Variants in DOCK5 observed in about 807,000 individuals in gnomAD.
DOCK5 encodes the protein dedicator of cytokinesis 5, also known as dedicator of cytokinesis protein 5.
A neutral mutation model predicts 251.8 loss-of-function variants in DOCK5; 142 were observed. That is an observed-to-expected ratio of 0.56 (90% CI 0.49 to 0.65). The LOEUF (loss-of-function observed/expected upper bound fraction) is 0.65. Ranked by LOEUF, DOCK5 falls within the 30% of genes least tolerant of loss-of-function variation. DOCK5 has a pLI of 0.00. For missense variants in DOCK5, 2,111 were observed against 2,312.3 expected, an observed-to-expected ratio of 0.91 and a Z score of 1.79; for synonymous variants, 842 against 835.5, an observed-to-expected ratio of 1.01 and a Z score of -0.13.
chr8:25,185,660 A>G (rs887110586), intron 1 of DOCK5, among the ~76,000 whole-genome samples: 1 of 152,116 alleles, frequency 6.6e-6, no homozygotes, highest in Non-Finnish European at 1.5e-5. Context: ...CATCCTGGAG[A>G]CGAGAAGAGG....
At chr8:25,186,349 CTTTTTTTTTT>C (rs778162063) in intron 1 of DOCK5, among the ~76,000 whole-genome samples, 1 of 124,818 alleles carries the variant, frequency 8.0e-6, no homozygotes, top group African/African-American at 2.9e-5. Context: ...CCTCAGGGCT[CTTTTTTTTTT>C]TTTTTTTGGT....
At chr8:25,246,643 T>TA (rs569536266) in intron 2 of DOCK5, among the ~76,000 whole-genome samples, 5 of 151,370 alleles carry the variant, frequency 3.3e-5, no homozygotes, top group African/African-American at 4.9e-5. Flanking sequence ...GCTGAGCTGG[T>TA]CTTTTTAGGT....
intron 1 of DOCK5, among the ~76,000 whole-genome samples, chr8:25,216,134 G>A (rs958505984): frequency 2.7e-5 from 4 of 150,734 alleles, no homozygotes; most frequent in Non-Finnish European, 5.9e-5. Flanking sequence ...TATACAATAT[G>A]TCTATACGTG....
At chr8:25,337,330 C>T (rs1482437919) in intron 22 of DOCK5, among the ~76,000 whole-genome samples, 2 of 151,940 alleles carry the variant, frequency 1.3e-5, no homozygotes, top group Non-Finnish European at 2.9e-5. Flanking sequence ...AAAATTGGTC[C>T]TGTATTTCAG....
chr8:25,189,938 G>A (rs1488942345), intron 1 of DOCK5, among the ~76,000 whole-genome samples: 1 of 152,202 alleles, frequency 6.6e-6, no homozygotes, highest in Non-Finnish European at 1.5e-5. Context: ...CCAGGCTGGA[G>A]TGCAGTGGTG....
intron 26 of DOCK5, 46 bp downstream of exon 26, chr8:25,345,657 C>G (rs1800351210): frequency 1.2e-6 from 2 of 1,604,656 alleles, no homozygotes; most frequent in Admixed American, 1.7e-5. Flanking sequence ...ACACTGTCCC[C>G]TTTGCACCAG....
chr8:25,323,588 G>A (rs576430184), intron 16 of DOCK5, among the ~76,000 whole-genome samples: 94 of 152,244 alleles, frequency 6.2e-4, no homozygotes, highest in African/African-American at 2.2e-3. Flanking sequence ...TGGAGTTGGT[G>A]TCAACACCCA....
chr8:25,270,408 A>G (rs1039351966), intron 3 of DOCK5, among the ~76,000 whole-genome samples: 2 of 152,118 alleles, frequency 1.3e-5, no homozygotes, highest in African/African-American at 4.8e-5. Flanking sequence ...TTTTAGCCCT[A>G]TTGGTGTTAA....
At chr8:25,333,344 C>CTCAAAGTTG (rs1436419215) in intron 20 of DOCK5, among the ~76,000 whole-genome samples, 20 of 152,134 alleles carry the variant, frequency 1.3e-4, no homozygotes, top group African/African-American at 4.6e-4. Flanking sequence ...AGGCGATTTA[C>CTCAAAGTTG]CAGCTTTGAG....
intron 37 of DOCK5, chr8:25,375,867 G>C: frequency 1.1e-6 from 1 of 948,914 alleles, no homozygotes; most frequent in Non-Finnish European, 1.3e-6. Context: ...GGAAGCTGAG[G>C]CCAGCAGATC....
chr8:25,229,523 C>G (rs900835918), intron 1 of DOCK5, among the ~76,000 whole-genome samples: 1 of 151,016 alleles, frequency 6.6e-6, no homozygotes, highest in East Asian at 1.9e-4. Context: ...GTTTTCATTT[C>G]TTTTAAAATT....
At chr8:25,281,584 TA>T (rs755311727) in intron 5 of DOCK5, among the ~76,000 whole-genome samples, 803 of 120,954 alleles carry the variant, frequency 6.6e-3, no homozygotes, top group Non-Finnish European at 6.9e-3. Context: ...AGAATTTGGT[TA>T]AAAAAAAAAA....
At chr8:25,355,475 G>A (rs1358812923) in intron 27 of DOCK5, among the ~76,000 whole-genome samples, 2 of 151,984 alleles carry the variant, frequency 1.3e-5, no homozygotes, top group African/African-American at 2.4e-5. Flanking sequence ...TTTGAGACAG[G>A]GTGTCACTCT....
At chr8:25,336,131 T>C in intron 21 of DOCK5, 108 bp from the exon 22 acceptor site, 6 of 1,232,826 alleles carry the variant, frequency 4.9e-6, no homozygotes, top group Non-Finnish European at 6.7e-6. Flanking sequence ...ATATAATTAG[T>C]TATGACTTCT....
chr8:25,361,099 G>C (rs888602839), intron 28 of DOCK5, among the ~76,000 whole-genome samples: 1 of 152,096 alleles, frequency 6.6e-6, no homozygotes, highest in Non-Finnish European at 1.5e-5. Context: ...CCGCATGAAG[G>C]CCCTTGGGAA....
At chr8:25,296,401 G>A in intron 6 of DOCK5, 112 bp from the exon 7 acceptor site, 1 of 1,386,436 alleles carries the variant, frequency 7.2e-7, no homozygotes, top group South Asian at 1.4e-5. Context: ...CCCTGGGCTT[G>A]TCCAGCATCT....
intron 25 of DOCK5, among the ~76,000 whole-genome samples, chr8:25,342,885 T>C (rs1468500903): frequency 6.6e-6 from 1 of 151,230 alleles, no homozygotes; most frequent in South Asian, 2.1e-4. Context: ...ATTTTTATTT[T>C]TAGTAAAGAC....
chr8:25,184,994 C>G, intron 1 of DOCK5, 43 bp downstream of exon 1: 1 of 1,324,370 alleles, frequency 7.6e-7, no homozygotes. Flanking sequence ...CCCACGCGGC[C>G]AAGTTCGCGG....
intron 12 of DOCK5, among the ~76,000 whole-genome samples, chr8:25,309,691 C>A (rs1397752552): frequency 3.3e-5 from 5 of 152,048 alleles, no homozygotes. Context: ...TGTGTTGGTG[C>A]ACACCTGTAA....
Sources: allele counts gnomAD v4.1 joint callset (sites outside exome capture counted in the v4.1 genomes callset), GRCh38; gene constraint gnomAD v4.1.1; transcripts MANE v1.5; gene names NCBI Gene and HGNC (gene_info 2026-07-23, HGNC 2026-07-21).